RIN2: variants seen among roughly 807,000 people sequenced by gnomAD.
RIN2 encodes the protein Ras and Rab interactor 2, also known as RAB5 interacting protein 2.
A neutral mutation model predicts 78.0 loss-of-function variants in RIN2; 36 were observed. That is an observed-to-expected ratio of 0.46 (90% CI 0.35 to 0.61). The LOEUF (loss-of-function observed/expected upper bound fraction) is 0.61. RIN2 is among the 20% of genes least tolerant of loss of function. The pLI, the probability that RIN2 is intolerant of heterozygous loss-of-function variation, is 0.00. For synonymous variants in RIN2, 466 were observed against 466.8 expected, an observed-to-expected ratio of 1.00 and a Z score of 0.02; for missense variants, 1,087 against 1,159.7, an observed-to-expected ratio of 0.94 and a Z score of 0.91.
chr20:19,912,541 C>T (rs1022310348), intron 3 of RIN2, among the ~76,000 whole-genome samples: 2 of 137,124 alleles, frequency 1.5e-5, no homozygotes, highest in Admixed American at 8.3e-5. Context: ...TGCCATGCTG[C>T]GATTTCGGCT....
chr20:19,931,255 A>C (rs1227752079), intron 3 of RIN2, among the ~76,000 whole-genome samples: 2 of 152,180 alleles, frequency 1.3e-5, no homozygotes, highest in East Asian at 1.9e-4. Flanking sequence ...CATACAGTAC[A>C]GTTTTGCATG....
intron 9 of RIN2, among the ~76,000 whole-genome samples, chr20:19,982,869 C>G (rs1055311905): frequency 8.5e-5 from 13 of 152,184 alleles, no homozygotes; most frequent in African/African-American, 3.1e-4. Context: ...GCCTCTTCTC[C>G]AGGGGGAGCA....
chr20:19,951,316 T>A (rs924873604), intron 4 of RIN2, among the ~76,000 whole-genome samples: 1 of 152,208 alleles, frequency 6.6e-6, no homozygotes, highest in African/African-American at 2.4e-5. Context: ...ATTGACATTT[T>A]TGAAGTTTTG....
chr20:19,786,358 A>G (rs888481405), intron 1 of RIN2, among the ~76,000 whole-genome samples: 4 of 152,210 alleles, frequency 2.6e-5, no homozygotes, highest in Non-Finnish European at 4.4e-5. Flanking sequence ...CTACCATGCT[A>G]TGAGGAAACC....
chr20:19,802,847 G>T (rs1305244614), intron 2 of RIN2, among the ~76,000 whole-genome samples: 7 of 152,068 alleles, frequency 4.6e-5, no homozygotes, highest in African/African-American at 1.7e-4. Context: ...AAGTCTTCCA[G>T]CCCCTGCTGG....
At chr20:19,890,149 A>C (rs2038382064) in intron 3 of RIN2, among the ~76,000 whole-genome samples, 1 of 152,234 alleles carries the variant, frequency 6.6e-6, no homozygotes, top group African/African-American at 2.4e-5. Flanking sequence ...TTTATCAAAC[A>C]TCCCCAAAGG....
chr20:19,928,273 G>GC lies in RIN2; in HGVS notation c.58-6825dup, dbSNP rs1404173735. Among the ~76,000 whole-genome samples the GC allele has an allele frequency of 5.3e-5, 8 of 152,278 alleles. No individual in the cohort carries two copies. In the East Asian group the frequency reaches 1.4e-3, roughly 26 times the overall value. On this transcript the variant is annotated intron_variant, in intron 3 of 12. Coordinates refer to ENST00000255006, the MANE Select transcript of RIN2 (RefSeq NM_018993.4). ...CCTTCCCTTGACATCATCAGCCCTA[G>GC]CTTTGGGGATTTAAGGATGAGGGCA... is the stretch of plus-strand genomic sequence containing the variant.
intron 2 of RIN2, among the ~76,000 whole-genome samples, chr20:19,867,755 T>C (rs2037554408): frequency 6.6e-6 from 1 of 152,228 alleles, no homozygotes; most frequent in Non-Finnish European, 1.5e-5. Flanking sequence ...TTAGTTAAGA[T>C]GGTGGTGTCC....
At chr20:19,790,665 A>T (rs894249848) in intron 1 of RIN2, among the ~76,000 whole-genome samples, 1 of 151,958 alleles carries the variant, frequency 6.6e-6, no homozygotes, top group African/African-American at 2.4e-5. Flanking sequence ...TCATCCACTT[A>T]CCCCAACCAA....
chr20:19,880,670 G>A (rs2123434650), intron 2 of RIN2, among the ~76,000 whole-genome samples: 1 of 152,156 alleles, frequency 6.6e-6, no homozygotes, highest in Non-Finnish European at 1.5e-5. Context: ...ACCTAGCCGA[G>A]AAAGTCATTC....
chr20:19,897,259 AC>A (rs2038774886), intron 3 of RIN2, among the ~76,000 whole-genome samples: 1 of 152,072 alleles, frequency 6.6e-6, no homozygotes, highest in South Asian at 2.1e-4. Context: ...ATGAACCGCC[AC>A]CATGCCCAGC....
At chr20:19,963,162 G>A (rs1200448973) in intron 6 of RIN2, among the ~76,000 whole-genome samples, 1 of 152,146 alleles carries the variant, frequency 6.6e-6, no homozygotes, top group African/African-American at 2.4e-5. Flanking sequence ...GCTTAGAGAA[G>A]CTAACCTGCT....
At chr20:19,936,636 C>T (rs750391861) in intron 4 of RIN2, among the ~76,000 whole-genome samples, 7 of 152,282 alleles carry the variant, frequency 4.6e-5, no homozygotes, top group South Asian at 4.1e-4. Flanking sequence ...GTGAGAAGGA[C>T]GTTCTGAACA....
chr20:19,795,967 T>A (rs548534507), intron 1 of RIN2, among the ~76,000 whole-genome samples: 4 of 151,598 alleles, frequency 2.6e-5, no homozygotes, highest in African/African-American at 9.7e-5. Flanking sequence ...CAGCCTATAA[T>A]CTTGCAGTGA....
At position 19,796,438 on chromosome 20, in the gene RIN2, G is replaced by A. The variant is rs568981115; in HGVS notation, c.-162-3184G>A. The stretch of plus-strand genomic sequence containing the variant: ...AGGGGTGAAGTTGGGTATATCCAGC[G>A]TTGTTTTAAATAAAAGTGAAGAAAA... On this transcript the variant is annotated intron_variant, in intron 1 of 12. Transcript: ENST00000255006. Among the ~76,000 whole-genome samples the A allele has an allele frequency of 1.1e-4, 16 of 152,280 alleles. 1 individual carries two copies. The highest frequency in any genetic ancestry group is 1.5e-4 in the Non-Finnish European group (10 of 68,036).
intron 2 of RIN2, among the ~76,000 whole-genome samples, chr20:19,880,771 C>T (rs1394334895): frequency 6.6e-6 from 1 of 152,148 alleles, no homozygotes; most frequent in East Asian, 1.9e-4. Flanking sequence ...CACATACGTA[C>T]CAGGCAGCAC....
chr20:20,000,976 G>C lies in RIN2; in HGVS notation c.*40G>C. On this transcript the variant is annotated 3_prime_UTR_variant, in exon 13 of 13. Coordinates refer to ENST00000255006, the MANE Select transcript of RIN2 (RefSeq NM_018993.4). ...TTCCCAGTGGTGCATCCAAAGGGGA[G>C]CTGGAAGCCTTGCCTTCCCGCTTCT... 6.5e-7 allele frequency: 1 copy of C among 1,543,622 alleles called. No individual in the cohort carries two copies.
intron 1 of RIN2, among the ~76,000 whole-genome samples, chr20:19,791,099 G>A (rs560582436): frequency 5.3e-5 from 8 of 152,326 alleles, no homozygotes; most frequent in Non-Finnish European, 1.0e-4. Context: ...AGGACTTCAT[G>A]TGTGTTCCTG....
chr20:19,932,488 G>A (rs1307714700), intron 3 of RIN2, among the ~76,000 whole-genome samples: 2 of 152,178 alleles, frequency 1.3e-5, no homozygotes, highest in Admixed American at 1.3e-4. Context: ...TTGCCACAGA[G>A]ATATGTATAA....
Sources: gnomAD v4.1 joint callset for allele counts (sites outside exome capture counted in the v4.1 genomes callset) on GRCh38, gnomAD v4.1.1 for gene constraint, MANE v1.5 for transcripts, NCBI Gene and HGNC (gene_info 2026-07-23, HGNC 2026-07-21) for gene names.